The following EDDM13 variants were observed in gnomAD, a reference collection of about 807,000 sequenced individuals.
EDDM13 encodes the protein epididymal protein 13.
In EDDM13, 24 loss-of-function variants were observed where a neutral mutation model predicts 17.8. The observed-to-expected ratio is 1.35, with a 90% confidence interval of 0.98 to 1.90. The LOEUF (loss-of-function observed/expected upper bound fraction) is 1.90, where lower values mean the gene tolerates loss of function less well. EDDM13 is among the 40% of genes most tolerant of loss of function. EDDM13 has a pLI of 0.00. For missense variants in EDDM13, 97 were observed against 100.8 expected (o/e 0.96, Z 0.16); for synonymous variants, 31 against 37.5 (o/e 0.83, Z 0.63).
At chr19:56,284,241 T>C in intron 5 of EDDM13, 35 bp downstream of exon 5, 1 of 951,978 alleles carries the variant, frequency 1.1e-6, no homozygotes, top group Non-Finnish European at 1.3e-6. Flanking sequence ...GCCCCCAGAC[T>C]GTGCACTTTG....
chr19:56,280,977 T>C (rs1348574220), intron 2 of EDDM13, among the ~76,000 whole-genome samples: 1 of 152,196 alleles, frequency 6.6e-6, no homozygotes, highest in African/African-American at 2.4e-5. Context: ...AAAATTCACA[T>C]ATAACTTTTG....
At chr19:56,302,216 G>C (rs912160199) in intron 13 of EDDM13, 121 bp downstream of exon 13, 105 of 560,322 alleles carry the variant, frequency 1.9e-4, no homozygotes, top group African/African-American at 1.7e-3. Flanking sequence ...AGTGGTGGGA[G>C]AGCCCTTCTG....
intron 9 of EDDM13, among the ~76,000 whole-genome samples, chr19:56,292,252 A>G (rs1366490872): frequency 6.6e-6 from 1 of 152,196 alleles, no homozygotes; most frequent in East Asian, 1.9e-4. Context: ...AAATTGTAGT[A>G]AAATATACAA....
chr19:56,307,616 T>C (rs1184308257), intron 14 of EDDM13, among the ~76,000 whole-genome samples: 1 of 152,202 alleles, frequency 6.6e-6, no homozygotes, highest in African/African-American at 2.4e-5. Context: ...TAATTGTTCA[T>C]ACGGAGAAAA....
chr19:56,308,474 C>T (rs1201231629), intron 14 of EDDM13, among the ~76,000 whole-genome samples: 2 of 152,064 alleles, frequency 1.3e-5, no homozygotes, highest in Non-Finnish European at 2.9e-5. Flanking sequence ...CAGGCATGCA[C>T]CACCACACCT....
intron 8 of EDDM13, among the ~76,000 whole-genome samples, chr19:56,289,681 AT>A (rs1484140697): frequency 6.6e-6 from 1 of 152,114 alleles, no homozygotes; most frequent in African/African-American, 2.4e-5. Context: ...TAGTGCAATC[AT>A]AGCTTACTGC....
chr19:56,280,906 A>G (rs797002061), intron 2 of EDDM13, among the ~76,000 whole-genome samples: 12 of 152,268 alleles, frequency 7.9e-5, no homozygotes, highest in African/African-American at 2.9e-4. Context: ...AAACCATAAC[A>G]CATACACATT....
At chr19:56,302,556 CCT>C (rs1158709384) in intron 13 of EDDM13, among the ~76,000 whole-genome samples, 2 of 105,298 alleles carry the variant, frequency 1.9e-5, no homozygotes, top group Non-Finnish European at 3.9e-5. Flanking sequence ...TTCCTCCCTC[CCT>C]CCCCCCTTCC....
chr19:56,310,066 A>C (rs2304122), intron 14 of EDDM13, 58 bp from the exon 15 acceptor site: 1 of 152,216 alleles, frequency 6.6e-6, no homozygotes, highest in Non-Finnish European at 1.5e-5. Context: ...GGCAAGGAGT[A>C]TGAGAATGCA....
intron 1 of EDDM13, among the ~76,000 whole-genome samples, chr19:56,273,715 G>A (rs2038028441): frequency 1.3e-5 from 2 of 152,150 alleles, no homozygotes; most frequent in Admixed American, 6.5e-5. Flanking sequence ...GGGGCATGGT[G>A]GTGAGACTGT....
chr19:56,279,501 A>T (rs2038520331), intron 2 of EDDM13, among the ~76,000 whole-genome samples: 1 of 152,226 alleles, frequency 6.6e-6, no homozygotes, highest in Non-Finnish European at 1.5e-5. Flanking sequence ...ATATTAATTA[A>T]GCATTTAGCA....
Position 56,303,207 on chromosome 19 carries a change from C to T in EDDM13, c.423+1112C>T, listed in dbSNP as rs185829113. 1.5e-3 allele frequency among the ~76,000 whole-genome samples: 222 copies of T among 152,210 alleles called. 3 individuals carry two copies. The highest frequency in any genetic ancestry group is 5.2e-3 in the African/African-American group (215 of 41,560). ...AAGAAACTACAAGCCAGGCCGGGCACGGTGGCTCACGCTTGTCATCGCAGC... is the reference window on the plus strand; with the variant it reads ...AAGAAACTACAAGCCAGGCCGGGCATGGTGGCTCACGCTTGTCATCGCAGC... On this transcript the variant is annotated intron_variant, in intron 13 of 14. Transcript: ENST00000649256.
intron 9 of EDDM13, among the ~76,000 whole-genome samples, chr19:56,293,947 A>G (rs909068708): frequency 2.0e-5 from 3 of 152,208 alleles, no homozygotes; most frequent in Admixed American, 1.3e-4. Context: ...GAGCTCAGCA[A>G]GGGTCTGTGA....
At chr19:56,289,706 C>A (rs1329777943) in intron 8 of EDDM13, among the ~76,000 whole-genome samples, 1 of 152,108 alleles carries the variant, frequency 6.6e-6, no homozygotes, top group Non-Finnish European at 1.5e-5. Flanking sequence ...TTAGACCCCC[C>A]AGGCTCAAGC....
At chr19:56,279,454 G>T (rs747964411) in intron 2 of EDDM13, among the ~76,000 whole-genome samples, 9 of 152,134 alleles carry the variant, frequency 5.9e-5, no homozygotes, top group Non-Finnish European at 1.2e-4. Flanking sequence ...ATAATTTAAT[G>T]CTATTATTTC....
At chr19:56,306,094 GCC>G (rs1256989643) in intron 14 of EDDM13, among the ~76,000 whole-genome samples, 1 of 152,142 alleles carries the variant, frequency 6.6e-6, no homozygotes, top group Admixed American at 6.5e-5. Flanking sequence ...GCCATGGGAA[GCC>G]ACGGAAAGGC....
chr19:56,302,198 A>C (rs530170418), intron 13 of EDDM13, 103 bp downstream of exon 13: 1 of 780,820 alleles, frequency 1.3e-6, no homozygotes, highest in East Asian at 3.4e-5. Context: ...CAGAGGTGCC[A>C]AGCAGGAAGT....
At chr19:56,302,231 A>C (rs1600232953) in intron 13 of EDDM13, 136 bp downstream of exon 13, 6 of 478,888 alleles carry the variant, frequency 1.3e-5, no homozygotes, top group Admixed American at 8.8e-5. Flanking sequence ...CTTCTGTAAA[A>C]CACTCTCTTC....
chr19:56,293,909 G>A (rs1167152981), intron 9 of EDDM13, among the ~76,000 whole-genome samples: 6 of 152,198 alleles, frequency 3.9e-5, no homozygotes, highest in Non-Finnish European at 8.8e-5. Context: ...GAAACCCCCC[G>A]CTGAATAAAA....
Sources: allele counts gnomAD v4.1 joint callset (sites outside exome capture counted in the v4.1 genomes callset), GRCh38; gene constraint gnomAD v4.1.1; transcripts MANE v1.5; gene names NCBI Gene and HGNC (gene_info 2026-07-23, HGNC 2026-07-21).